Variants in SLC17A4 observed in about 807,000 individuals in gnomAD.
SLC17A4 encodes the protein probable small intestine urate exporter.
Under a neutral mutation model 52.5 loss-of-function variants are expected in SLC17A4, and 33 were observed. That is an observed-to-expected ratio of 0.63 (90% CI 0.48 to 0.84). The LOEUF (loss-of-function observed/expected upper bound fraction) is 0.84. Among genes scored for constraint, SLC17A4 ranks in the 40% least tolerant of loss-of-function variants. The probability of loss-of-function intolerance (pLI) is 0.00; values close to 1 mark genes in which losing one functional copy is unlikely to be tolerated. For synonymous variants in SLC17A4, 225 were observed against 216.2 expected, an observed-to-expected ratio of 1.04 and a Z score of -0.36; for missense variants, 585 against 597.1, an observed-to-expected ratio of 0.98 and a Z score of 0.21.
At chr6:25,756,898 A>C (rs956130309) in intron 1 of SLC17A4, among the ~76,000 whole-genome samples, 2 of 152,198 alleles carry the variant, frequency 1.3e-5, no homozygotes, top group African/African-American at 4.8e-5. Context: ...CCTGAAAGCT[A>C]TGTCTTTAGT....
At chr6:25,769,570 A>C (rs960239854) in intron 3 of SLC17A4, among the ~76,000 whole-genome samples, 1 of 151,926 alleles carries the variant, frequency 6.6e-6, no homozygotes, top group Non-Finnish European at 1.5e-5. Context: ...AAAAAAAAAA[A>C]AGAAAGAAAG....
At position 25,779,048 on chromosome 6, in the gene SLC17A4, C is replaced by T; in HGVS notation, c.1360-6C>T. The T allele has an allele frequency of 6.2e-7, 1 of 1,613,572 alleles. No homozygotes were observed. The highest frequency in any genetic ancestry group is 8.5e-7 in the Non-Finnish European group (1 of 1,179,630). ...CCGTTAATAACTTGTAATTTTCTGC[C>T]TCCAGGATTCAGAGTTTGGTTGGAG... On this transcript the variant is annotated splice_region_variant and splice_polypyrimidine_tract_variant and intron_variant, in intron 11 of 11. Coordinates refer to ENST00000377905, the MANE Select transcript of SLC17A4 (RefSeq NM_005495.3).
At position 25,772,936 on chromosome 6, in the gene SLC17A4, ACTCT is replaced by A. The variant is rs3837018; in HGVS notation, c.707-336_707-333del. Among the ~76,000 whole-genome samples, 47 of 152,262 alleles carry A rather than the reference ACTCT, an allele frequency of 3.1e-4. No individual in the cohort carries two copies. The East Asian group carries it at 8.5e-3, about 28-fold the overall frequency. Reference sequence around the variant, plus strand: ...CTTTGTGGGACAGCTGGGTGGCTCCACTCTCTGTGTCTGTCATCTGCCTTGGTCA... The same window carrying A: ...CTTTGTGGGACAGCTGGGTGGCTCCACTGTGTCTGTCATCTGCCTTGGTCA... On this transcript the variant is annotated intron_variant, in intron 6 of 11. Transcript: ENST00000377905.
chr6:25,761,460 C>G (rs1157945683), intron 1 of SLC17A4, among the ~76,000 whole-genome samples: 1 of 152,200 alleles, frequency 6.6e-6, no homozygotes, highest in African/African-American at 2.4e-5. Flanking sequence ...AGACATCTAA[C>G]TCGGTGGAGA....
intron 1 of SLC17A4, among the ~76,000 whole-genome samples, chr6:25,758,049 C>T (rs969047398): frequency 9.9e-5 from 15 of 152,214 alleles, no homozygotes; most frequent in African/African-American, 2.9e-4. Context: ...TGCCGTGGGA[C>T]GTATCACAGC....
chr6:25,756,956 G>A (rs1161725921), intron 1 of SLC17A4, among the ~76,000 whole-genome samples: 1 of 152,168 alleles, frequency 6.6e-6, no homozygotes, highest in Non-Finnish European at 1.5e-5. Flanking sequence ...GCCCTGAGGT[G>A]TGAAAATAAA....
intron 1 of SLC17A4, among the ~76,000 whole-genome samples, chr6:25,757,629 C>T (rs1761138044): frequency 6.6e-6 from 1 of 152,098 alleles, no homozygotes; most frequent in African/African-American, 2.4e-5. Flanking sequence ...CTTTCTCTGT[C>T]AGCAACTCCT....
At chr6:25,768,276 C>T (rs965624722) in intron 2 of SLC17A4, 14 of 675,958 alleles carry the variant, frequency 2.1e-5, no homozygotes, top group Non-Finnish European at 2.4e-5. Flanking sequence ...CTTTCAGGAA[C>T]CAAGAAAATG....
intron 1 of SLC17A4, among the ~76,000 whole-genome samples, chr6:25,758,619 C>A (rs1441964400): frequency 6.6e-6 from 1 of 152,156 alleles, no homozygotes; most frequent in East Asian, 1.9e-4. Flanking sequence ...TTGTATTTCT[C>A]TGGTATCAAT....
At chr6:25,778,762 A>T (rs527478226) in intron 11 of SLC17A4, among the ~76,000 whole-genome samples, 1 of 152,322 alleles carries the variant, frequency 6.6e-6, no homozygotes, top group African/African-American at 2.4e-5. Flanking sequence ...ATGATCAAGG[A>T]AGGACTCACC....
At chr6:25,756,471 T>C (rs1761025760) in intron 1 of SLC17A4, among the ~76,000 whole-genome samples, 1 of 152,176 alleles carries the variant, frequency 6.6e-6, no homozygotes, top group African/African-American at 2.4e-5. Flanking sequence ...CTTGTTTTTT[T>C]CATACCATGT....
intron 3 of SLC17A4, 116 bp from the exon 4 acceptor site, chr6:25,769,951 C>A: frequency 1.2e-6 from 1 of 854,964 alleles, no homozygotes; most frequent in Non-Finnish European, 1.9e-6. Context: ...ATTGGAGGAA[C>A]TGGAGAAATG....
At chr6:25,758,239 C>G (rs905009872) in intron 1 of SLC17A4, among the ~76,000 whole-genome samples, 2 of 152,204 alleles carry the variant, frequency 1.3e-5, no homozygotes, top group Non-Finnish European at 2.9e-5. Flanking sequence ...TATAATTTGA[C>G]TTGAAGTGAC....
Position 25,761,949 on chromosome 6 carries a change from A to C in SLC17A4, c.-14A>C. On this transcript the variant is annotated 5_prime_UTR_variant, in exon 2 of 12. Transcript: ENST00000377905. ...CAGTAAGTAAATGCCAGTCCCTAGG[A>C]AGAGAGAACCAAAATGTCTACCGGA... is the stretch of plus-strand genomic sequence containing the variant. 1 of 1,609,212 alleles carries C rather than the reference A, an allele frequency of 6.2e-7. No individual in the cohort carries two copies. Among genetic ancestry groups the C allele is most frequent in the Non-Finnish European group, 8.5e-7 (1 of 1,176,578 alleles).
At chr6:25,766,435 G>A (rs1300492236) in intron 2 of SLC17A4, among the ~76,000 whole-genome samples, 2 of 152,162 alleles carry the variant, frequency 1.3e-5, no homozygotes, top group Non-Finnish European at 2.9e-5. Context: ...TTAGCTCCTT[G>A]CTCCTTAAGT....
intron 1 of SLC17A4, among the ~76,000 whole-genome samples, chr6:25,761,321 T>G (rs1445688767): frequency 6.6e-6 from 1 of 152,206 alleles, no homozygotes; most frequent in African/African-American, 2.4e-5. Context: ...AGAATCTCCC[T>G]TATAATCGCC....
intron 1 of SLC17A4, among the ~76,000 whole-genome samples, chr6:25,761,258 A>G (rs1297411878): frequency 6.6e-6 from 1 of 152,224 alleles, no homozygotes; most frequent in Non-Finnish European, 1.5e-5. Context: ...TTGAAAGGGG[A>G]AGAGCCTCTG....
At position 25,779,314 on chromosome 6, in the gene SLC17A4, AT is replaced by A; in HGVS notation, c.*130del. On this transcript the variant is annotated 3_prime_UTR_variant, in exon 12 of 12. Transcript: ENST00000377905. Reference sequence around the variant, plus strand: ...AGACCCTGACTATGTAACGCTAAAGATTTTACCATGCCTGGAAATTTTACAG... The same window carrying A: ...AGACCCTGACTATGTAACGCTAAAGATTTACCATGCCTGGAAATTTTACAG... 1.5e-6 allele frequency: 2 copies of A among 1,338,378 alleles called. No individual in the cohort carries two copies. Among genetic ancestry groups the A allele is most frequent in the Non-Finnish European group, 1.0e-6 (1 of 986,282 alleles). 82.9% of individuals were successfully genotyped at this position (1,338,378 alleles called of 1,614,324 possible). A position where few individuals can be genotyped will look rare whatever the true frequency, so the allele number is the denominator to read the frequency against.
At chr6:25,778,198 G>A (rs555536841) in intron 11 of SLC17A4, among the ~76,000 whole-genome samples, 182 bp downstream of exon 11, 2 of 151,838 alleles carry the variant, frequency 1.3e-5, no homozygotes, top group Admixed American at 6.6e-5. Context: ...AATCTTACTG[G>A]TATAAACTTT....
Sources: gnomAD v4.1 joint callset for allele counts (sites outside exome capture counted in the v4.1 genomes callset) on GRCh38, gnomAD v4.1.1 for gene constraint, MANE v1.5 for transcripts, NCBI Gene and HGNC (gene_info 2026-07-23, HGNC 2026-07-21) for gene names.